The following WDHD1 variants were observed in gnomAD, a reference collection of about 807,000 sequenced individuals.
WDHD1 encodes the protein WD repeat and HMG-box DNA binding protein 1, also known as WD repeat and HMG-box DNA-binding protein 1.
Under a neutral mutation model 135.4 loss-of-function variants are expected in WDHD1, and 111 were observed. That is an observed-to-expected ratio of 0.82 (90% confidence interval 0.70 to 0.96). The LOEUF (loss-of-function observed/expected upper bound fraction) is 0.96, where lower values mean the gene tolerates loss of function less well. Ranked by LOEUF, WDHD1 falls within the 40% of genes least tolerant of loss-of-function variation. The pLI is 0.00. For missense variants in WDHD1, 1,351 were observed against 1,336.3 expected (o/e 1.01, Z -0.17); for synonymous variants, 434 against 439.0 (o/e 0.99, Z 0.14).
chr14:54,948,728 C>G (rs112027560), intron 24 of WDHD1, among the ~76,000 whole-genome samples: 4 of 152,326 alleles, frequency 2.6e-5, no homozygotes, highest in African/African-American at 9.6e-5. Context: ...CCATGATCCA[C>G]AAGTAGCCTA....
At chr14:54,965,702 TC>T (rs2041329145) in intron 18 of WDHD1, among the ~76,000 whole-genome samples, 1 of 152,160 alleles carries the variant, frequency 6.6e-6, no homozygotes, top group African/African-American at 2.4e-5. Flanking sequence ...ATGCCTGTGA[TC>T]CCAGCACTTT....
At chr14:54,942,928 T>C (rs1418630691) in intron 25 of WDHD1, among the ~76,000 whole-genome samples, 1 of 152,258 alleles carries the variant, frequency 6.6e-6, no homozygotes, top group African/African-American at 2.4e-5. Context: ...GTCTTATTTA[T>C]TTAGACGCCA....
In WDHD1 at chr14:54,961,817, C is replaced by A. The variant is rs563574025; in HGVS notation, c.2701+681G>T. ...TTCTCTTATCCCCCAGGCCCACTCC[C>A]TGTACGCAACCATTTTCAACTCCTT... On this transcript the variant is annotated intron_variant, in intron 21 of 25. Transcript: ENST00000360586. 2.0e-5 allele frequency among the ~76,000 whole-genome samples: 3 copies of A among 151,850 alleles called. No homozygotes were observed. In the South Asian group the frequency reaches 6.2e-4, roughly 32 times the overall value.
At chr14:55,018,605 T>C (rs2042296372) in intron 2 of WDHD1, among the ~76,000 whole-genome samples, 1 of 152,138 alleles carries the variant, frequency 6.6e-6, no homozygotes, top group Non-Finnish European at 1.5e-5. Context: ...GTACCCTGAA[T>C]GGAGATAAAA....
intron 6 of WDHD1, 119 bp from the exon 7 acceptor site, chr14:55,007,494 A>C: frequency 1.5e-6 from 1 of 660,576 alleles, no homozygotes; most frequent in Non-Finnish European, 2.5e-6. Flanking sequence ...AATGCAACTT[A>C]ATGCACCTTA....
At chr14:54,945,966 C>A (rs1446642930) in intron 24 of WDHD1, among the ~76,000 whole-genome samples, 1 of 152,084 alleles carries the variant, frequency 6.6e-6, no homozygotes, top group Non-Finnish European at 1.5e-5. Context: ...CTAGTATGAC[C>A]ATAACCATTT....
At chr14:54,942,889 C>A (rs997809478) in intron 25 of WDHD1, among the ~76,000 whole-genome samples, 4 of 152,198 alleles carry the variant, frequency 2.6e-5, no homozygotes, top group African/African-American at 9.7e-5. Flanking sequence ...ACAGACTTTG[C>A]CAAGTCTCTT....
intron 24 of WDHD1, among the ~76,000 whole-genome samples, chr14:54,954,295 T>A (rs1370751873): frequency 6.6e-6 from 1 of 151,434 alleles, no homozygotes; most frequent in African/African-American, 2.4e-5. Context: ...TCAGAAAAAA[T>A]AAATAAATAC....
intron 10 of WDHD1, among the ~76,000 whole-genome samples, chr14:54,996,290 T>C (rs1295278275): frequency 6.6e-6 from 1 of 152,052 alleles, no homozygotes; most frequent in East Asian, 1.9e-4. Flanking sequence ...ATAGAACCAA[T>C]AGAAAAACAA....
chr14:54,991,242 T>C lies in WDHD1; in HGVS notation c.1312A>G (p.Thr438Ala). Reference sequence around the variant, plus strand: ...AATCTGTGAGTGAGATGCAACGGTGTAGAACCTGACTGAAATGGCTTTTGC... The same window carrying C: ...AATCTGTGAGTGAGATGCAACGGTGCAGAACCTGACTGAAATGGCTTTTGC... ...PRQKPFQSGS[T>A]PLHLTHRFMV... The change falls in exon 12 of 26, where the codon ACA (threonine) becomes GCA (alanine). Residue 438 changes from threonine (T) to alanine (A), a missense_variant. Around this residue, in one of 2 missense-constraint regions of WDHD1, gnomAD observed 1,330 missense variants for 1,296.1 expected, o/e 1.03. Coordinates refer to ENST00000360586, the MANE Select transcript of WDHD1 (RefSeq NM_007086.4). 1 of 1,609,628 alleles carries C rather than the reference T, an allele frequency of 6.2e-7. No individual in the cohort carries two copies. The highest frequency in any genetic ancestry group is 8.5e-7 in the Non-Finnish European group (1 of 1,175,920).
chr14:54,963,639 C>G (rs907206119), intron 18 of WDHD1, among the ~76,000 whole-genome samples: 4 of 152,116 alleles, frequency 2.6e-5, no homozygotes, highest in Admixed American at 6.5e-5. Flanking sequence ...CCCGTCTCTA[C>G]TAAAAACACA....
chr14:54,957,208 A>C lies in WDHD1; in HGVS notation c.2746-4T>G. 6.2e-7 allele frequency: 1 copy of C among 1,613,014 alleles called. No homozygotes were observed. The highest frequency in any genetic ancestry group is 8.5e-7 in the Non-Finnish European group (1 of 1,179,358). ...GTTCTTTGGAACTGGCTGATACCTAAAGAGCAAACTAGTGTTAGCACTGTA... is the reference window on the plus strand; with the variant it reads ...GTTCTTTGGAACTGGCTGATACCTACAGAGCAAACTAGTGTTAGCACTGTA... On this transcript the variant is annotated splice_polypyrimidine_tract_variant and splice_region_variant and intron_variant, in intron 22 of 25. Transcript: ENST00000360586.
chr14:54,958,878 A>G (rs1031735054), intron 21 of WDHD1, among the ~76,000 whole-genome samples: 3 of 152,220 alleles, frequency 2.0e-5, no homozygotes, highest in African/African-American at 7.2e-5. Context: ...ACTTATGCCA[A>G]TGATTTTCAC....
chr14:55,021,736 C>A (rs978760753), intron 2 of WDHD1, among the ~76,000 whole-genome samples: 1 of 152,284 alleles, frequency 6.6e-6, no homozygotes, highest in South Asian at 2.1e-4. Context: ...GAAATTACTT[C>A]GCTCCCTTAT....
chr14:54,984,681 A>G, intron 15 of WDHD1, 42 bp downstream of exon 15: 1 of 1,511,534 alleles, frequency 6.6e-7, no homozygotes, highest in Non-Finnish European at 8.9e-7. Flanking sequence ...AATATCTAAC[A>G]CTTTATATTA....
At chr14:55,018,824 A>C (rs1164365292) in intron 2 of WDHD1, among the ~76,000 whole-genome samples, 1 of 152,050 alleles carries the variant, frequency 6.6e-6, no homozygotes, top group Non-Finnish European at 1.5e-5. Flanking sequence ...GGGAGGCGAG[A>C]CCAGCCTGAC....
At chr14:54,947,311 C>A (rs550994985) in intron 24 of WDHD1, among the ~76,000 whole-genome samples, 1 of 152,002 alleles carries the variant, frequency 6.6e-6, no homozygotes, top group African/African-American at 2.4e-5. Context: ...GCATTGCAGT[C>A]TGGGCAACAA....
In WDHD1 at chr14:54,980,561, GGGTGGATCACTTGA is replaced by G. The variant is rs534864014; in HGVS notation, c.2063+965_2063+978del. Among the ~76,000 whole-genome samples, 912 of 151,636 alleles carry G rather than the reference GGGTGGATCACTTGA, an allele frequency of 6.0e-3. 6 individuals are homozygous for G. Among genetic ancestry groups the G allele is most frequent in the African/African-American group, 0.021 (854 of 41,324 alleles). ...GTACGGTGGCTCATGCCTGTACTTT[GGGTGGATCACTTGA>G]GGTGGATCACTTGAGGTCAAGAGTT... is the stretch of plus-strand genomic sequence containing the variant. On this transcript the variant is annotated intron_variant, in intron 16 of 25. Coordinates refer to ENST00000360586, the MANE Select transcript of WDHD1 (RefSeq NM_007086.4).
chr14:54,946,810 G>A (rs1010960188), intron 24 of WDHD1, among the ~76,000 whole-genome samples: 9 of 151,424 alleles, frequency 5.9e-5, no homozygotes, highest in African/African-American at 1.9e-4. Flanking sequence ...TTGGGAAGCC[G>A]AGATGGGCAA....
Sources: gnomAD v4.1 joint callset for allele counts (sites outside exome capture counted in the v4.1 genomes callset) on GRCh38, gnomAD v4.1.1 for gene constraint, gnomAD v4.1.1 regional missense constraint, MANE v1.5 for transcripts, NCBI Gene and HGNC (gene_info 2026-07-23, HGNC 2026-07-21) for gene names.